The following CNTN3 variants were observed in gnomAD, a reference collection of about 807,000 sequenced individuals.
The protein encoded by CNTN3 is contactin 3, also known as contactin-3.
A neutral mutation model predicts 119.1 loss-of-function variants in CNTN3; 60 were observed. That is an observed-to-expected ratio of 0.50 (90% CI 0.41 to 0.62). The LOEUF (loss-of-function observed/expected upper bound fraction) is 0.62, where lower values mean the gene tolerates loss of function less well. Ranked by LOEUF, CNTN3 falls within the 20% of genes least tolerant of loss-of-function variation. The pLI is 0.00. For missense variants in CNTN3, 1,101 were observed against 1,242.4 expected, an observed-to-expected ratio of 0.89 and a Z score of 1.71; for synonymous variants, 450 against 438.7, an observed-to-expected ratio of 1.03 and a Z score of -0.32.
chr3:74,524,025 C>A (rs1703580403), intron 1 of CNTN3, among the ~76,000 whole-genome samples: 1 of 151,816 alleles, frequency 6.6e-6, no homozygotes, highest in Non-Finnish European at 1.5e-5. Flanking sequence ...GAGTGAAAAG[C>A]ATTTCTACTG....
chr3:74,567,426 T>C (rs1447882619), intron 1 of CNTN3, among the ~76,000 whole-genome samples: 2 of 146,928 alleles, frequency 1.4e-5, no homozygotes, highest in Non-Finnish European at 1.5e-5. Flanking sequence ...TCCCAAAGTG[T>C]TGGGATTATT....
intron 13 of CNTN3, among the ~76,000 whole-genome samples, chr3:74,317,798 C>A (rs375102191): frequency 1.1e-4 from 16 of 152,064 alleles, no homozygotes; most frequent in Non-Finnish European, 2.1e-4. Flanking sequence ...ACTTTGGTGA[C>A]TCTGACAATT....
intron 2 of CNTN3, among the ~76,000 whole-genome samples, chr3:74,517,564 C>A (rs2107116125): frequency 6.6e-6 from 1 of 151,872 alleles, no homozygotes; most frequent in African/African-American, 2.4e-5. Context: ...TATTTTCTTC[C>A]CCCCTTAAAG....
intron 2 of CNTN3, among the ~76,000 whole-genome samples, chr3:74,502,645 G>A (rs1446755637): frequency 1.3e-5 from 2 of 152,034 alleles, no homozygotes; most frequent in Non-Finnish European, 2.9e-5. Context: ...CTGCTTCTCA[G>A]ACACGCTGAG....
chr3:74,433,110 T>A (rs1701811801), intron 4 of CNTN3, among the ~76,000 whole-genome samples: 1 of 152,112 alleles, frequency 6.6e-6, no homozygotes, highest in Non-Finnish European at 1.5e-5. Context: ...CTGCAGTCAA[T>A]GAGAACTTGA....
intron 5 of CNTN3, among the ~76,000 whole-genome samples, chr3:74,396,155 C>A (rs147591415): frequency 6.6e-6 from 1 of 152,016 alleles, no homozygotes; most frequent in Non-Finnish European, 1.5e-5. Context: ...CCTACAATGG[C>A]CTCTAAGTGT....
intron 20 of CNTN3, among the ~76,000 whole-genome samples, chr3:74,268,488 T>C (rs1257306301): frequency 1.3e-5 from 2 of 152,284 alleles, no homozygotes; most frequent in East Asian, 1.9e-4. Flanking sequence ...AACTTACAGA[T>C]AGGAAGAACT....
rs115601502 is a variant in CNTN3 at position 74,485,091 on chromosome 3, T to C, written c.358+1365A>G. ...TTAACAACTATATGCACATACACAA[T>C]TATCTATGAGAAGACTATTACATAT... On this transcript the variant is annotated intron_variant, in intron 4 of 22. Transcript: ENST00000263665. 5.0e-3 allele frequency among the ~76,000 whole-genome samples: 754 copies of C among 152,154 alleles called. 9 individuals carry two copies. The highest frequency in any genetic ancestry group is 0.017 in the African/African-American group (721 of 41,544).
chr3:74,409,226 T>C (rs1701397076), intron 5 of CNTN3, among the ~76,000 whole-genome samples: 1 of 152,148 alleles, frequency 6.6e-6, no homozygotes, highest in Non-Finnish European at 1.5e-5. Context: ...AAGCAAGACT[T>C]AGCCAATCAT....
intron 4 of CNTN3, among the ~76,000 whole-genome samples, chr3:74,449,683 G>A (rs1385206153): frequency 3.3e-5 from 5 of 152,066 alleles, no homozygotes; most frequent in African/African-American, 4.8e-5. Context: ...ATGCACCTCA[G>A]CTTTCATTAA....
At chr3:74,482,172 A>T (rs559350179) in intron 4 of CNTN3, among the ~76,000 whole-genome samples, 1 of 152,104 alleles carries the variant, frequency 6.6e-6, no homozygotes, top group South Asian at 2.1e-4. Context: ...TTGAAAGTAA[A>T]GCCAAAAAAG....
intron 20 of CNTN3, among the ~76,000 whole-genome samples, chr3:74,281,749 G>A (rs566325309): frequency 9.5e-4 from 145 of 152,276 alleles, no homozygotes; most frequent in Non-Finnish European, 1.9e-3. Flanking sequence ...TTTGGCTTGA[G>A]AAACTGAAAC....
At chr3:74,600,915 C>T (rs1340876722) in intron 1 of CNTN3, among the ~76,000 whole-genome samples, 1 of 151,988 alleles carries the variant, frequency 6.6e-6, no homozygotes, top group African/African-American at 2.4e-5. Context: ...GATCATTCTA[C>T]CTCAGTTTCC....
At chr3:74,566,636 A>C (rs1381538407) in intron 1 of CNTN3, among the ~76,000 whole-genome samples, 2 of 152,028 alleles carry the variant, frequency 1.3e-5, no homozygotes. Context: ...TTTTGTAGAG[A>C]CACCAGTCAT....
At chr3:74,469,871 T>TA (rs905563470) in intron 4 of CNTN3, among the ~76,000 whole-genome samples, 16 of 152,072 alleles carry the variant, frequency 1.1e-4, no homozygotes, top group African/African-American at 3.9e-4. Flanking sequence ...CTAACAGTAA[T>TA]AAAAAAATAT....
intron 18 of CNTN3, among the ~76,000 whole-genome samples, chr3:74,297,359 C>T (rs563781629): frequency 2.7e-5 from 4 of 147,132 alleles, no homozygotes; most frequent in Non-Finnish European, 5.9e-5. Context: ...TTTATTTTAT[C>T]AAGGTGTTAA....
intron 2 of CNTN3, among the ~76,000 whole-genome samples, chr3:74,511,972 C>T (rs1035282145): frequency 5.9e-5 from 9 of 151,968 alleles, no homozygotes; most frequent in African/African-American, 1.7e-4. Context: ...GATTTTTTTT[C>T]CCATTAATAT....
At chr3:74,401,122 A>T (rs944041531) in intron 5 of CNTN3, among the ~76,000 whole-genome samples, 2 of 152,118 alleles carry the variant, frequency 1.3e-5, no homozygotes, top group African/African-American at 4.8e-5. Context: ...CTGACAGGTT[A>T]TATGTGCCTG....
chr3:74,349,591 T>A (rs1211372374), intron 11 of CNTN3, among the ~76,000 whole-genome samples: 3 of 152,224 alleles, frequency 2.0e-5, no homozygotes, highest in Non-Finnish European at 4.4e-5. Context: ...GCAACTTGAT[T>A]TTGTTAAAAC....
Sources: gnomAD v4.1 joint callset for allele counts (sites outside exome capture counted in the v4.1 genomes callset) on GRCh38, gnomAD v4.1.1 for gene constraint, MANE v1.5 for transcripts, NCBI Gene and HGNC (gene_info 2026-07-23, HGNC 2026-07-21) for gene names.